PIGN: variants seen among roughly 807,000 people sequenced by gnomAD.
PIGN encodes the protein GPI ethanolamine phosphate transferase 1.
Under a neutral mutation model 125.4 loss-of-function variants are expected in PIGN, and 117 were observed. The observed-to-expected ratio is 0.93, with a 90% confidence interval of 0.80 to 1.09. PIGN has a LOEUF of 1.09. PIGN is among the 50% of genes least tolerant of loss of function. The pLI, the probability that PIGN is intolerant of heterozygous loss-of-function variation, is 0.00. For missense variants in PIGN, 1,075 were observed against 1,094.9 expected, an observed-to-expected ratio of 0.98 and a Z score of 0.26; for synonymous variants, 392 against 377.8, an observed-to-expected ratio of 1.04 and a Z score of -0.44.
At chr18:62,173,559 G>A (rs1472574194) in intron 1 of PIGN, among the ~76,000 whole-genome samples, 1 of 152,110 alleles carries the variant, frequency 6.6e-6, no homozygotes, top group Non-Finnish European at 1.5e-5. Context: ...GATGCACTTG[G>A]AGATCATGTC....
At chr18:62,060,687 CAATT>C (rs751968395) in intron 30 of PIGN, among the ~76,000 whole-genome samples, 9 of 152,052 alleles carry the variant, frequency 5.9e-5, no homozygotes, top group East Asian at 1.9e-4. Flanking sequence ...ATGTGAGAAA[CAATT>C]AAAGTCCAAA....
chr18:62,086,016 C>G (rs964640949), intron 25 of PIGN, among the ~76,000 whole-genome samples: 1 of 152,134 alleles, frequency 6.6e-6, no homozygotes, highest in African/African-American at 2.4e-5. Context: ...GTGAGCTGAG[C>G]CTTTAATGTA....
At chr18:62,149,580 A>G (rs778258374) in intron 7 of PIGN, among the ~76,000 whole-genome samples, 16 of 152,322 alleles carry the variant, frequency 1.1e-4, no homozygotes, top group Admixed American at 2.0e-4. Flanking sequence ...GTTTTGGCCA[A>G]TGAGATTTAA....
chr18:62,020,133 G>T (rs1235060742), intron 23 of PIGN, among the ~76,000 whole-genome samples: 1 of 152,202 alleles, frequency 6.6e-6, no homozygotes, highest in Non-Finnish European at 1.5e-5. Flanking sequence ...AAGAACACTA[G>T]GGAGCTGAGA....
intron 25 of PIGN, among the ~76,000 whole-genome samples, chr18:62,087,698 C>T (rs2033770790): frequency 1.3e-5 from 2 of 152,202 alleles, no homozygotes; most frequent in Admixed American, 1.3e-4. Flanking sequence ...GAGGTCTAGA[C>T]TCTGCACCAT....
chr18:62,155,921 A>G (rs1018179988), intron 6 of PIGN, among the ~76,000 whole-genome samples: 1 of 152,224 alleles, frequency 6.6e-6, no homozygotes, highest in African/African-American at 2.4e-5. Context: ...TCCGCCCAGT[A>G]TAATAATGTT....
At chr18:62,083,858 C>T (rs891501994) in intron 27 of PIGN, among the ~76,000 whole-genome samples, 1 of 152,232 alleles carries the variant, frequency 6.6e-6, no homozygotes, top group East Asian at 1.9e-4. Flanking sequence ...ATTAAGATGA[C>T]ACCTTTAACC....
At chr18:62,132,198 T>C (rs918068476) in intron 14 of PIGN, among the ~76,000 whole-genome samples, 5 of 152,054 alleles carry the variant, frequency 3.3e-5, no homozygotes, top group Admixed American at 3.3e-4. Flanking sequence ...TATATAAAAG[T>C]GATTAAAAAG....
chr18:62,080,355 G>A (rs1396721093), intron 28 of PIGN, among the ~76,000 whole-genome samples: 1 of 152,106 alleles, frequency 6.6e-6, no homozygotes, highest in Non-Finnish European at 1.5e-5. Context: ...AGGTCTTCAT[G>A]GTCCATGTCA....
intron 14 of PIGN, among the ~76,000 whole-genome samples, chr18:62,124,523 T>C (rs1276811639): frequency 4.1e-4 from 62 of 152,164 alleles, no homozygotes. Flanking sequence ...GAGGAAAACC[T>C]GCTTCCCACA....
rs570063145 is a variant in PIGN at position 62,019,761 on chromosome 18, C to T, written c.2143-2020G>A. 2.1e-4 allele frequency among the ~76,000 whole-genome samples: 32 copies of T among 152,332 alleles called. No homozygotes were observed. The South Asian group carries it at 6.2e-3, about 30-fold the overall frequency. The stretch of plus-strand genomic sequence containing the variant: ...TTAACTGATACTGGCCTAGCCCTCC[C>T]GCAGTAAGCAACAATAACACTGGAC... On this transcript the variant is annotated intron_variant, in intron 23 of 24. Coordinates refer to the PIGN transcript ENST00000639600.
intron 23 of PIGN, among the ~76,000 whole-genome samples, chr18:62,091,876 C>T (rs188484501): frequency 6.6e-6 from 1 of 152,236 alleles, no homozygotes; most frequent in East Asian, 1.9e-4. Flanking sequence ...CCACTGCTGG[C>T]CCAGCTCACA....
intron 7 of PIGN, among the ~76,000 whole-genome samples, chr18:62,149,971 T>G (rs2036469321): frequency 6.6e-6 from 1 of 152,156 alleles, no homozygotes; most frequent in Non-Finnish European, 1.5e-5. Context: ...TACCAAACAA[T>G]TCCCTGATAA....
At chr18:62,059,501 T>C (rs146898616) in intron 30 of PIGN, among the ~76,000 whole-genome samples, 161 of 152,326 alleles carry the variant, frequency 1.1e-3, no homozygotes, top group African/African-American at 3.8e-3. Context: ...TGCTGCAATA[T>C]AGATGAATGC....
intron 7 of PIGN, among the ~76,000 whole-genome samples, chr18:62,149,539 A>G (rs1335857578): frequency 6.6e-6 from 1 of 152,170 alleles, no homozygotes; most frequent in African/African-American, 2.4e-5. Context: ...TGCCTATCCT[A>G]TCCTTTCTTG....
At chr18:62,155,776 T>C (rs887958293) in intron 6 of PIGN, among the ~76,000 whole-genome samples, 1 of 152,148 alleles carries the variant, frequency 6.6e-6, no homozygotes, top group Non-Finnish European at 1.5e-5. Flanking sequence ...CCATCCATTG[T>C]AGCCAGAAAT....
chr18:62,140,540 T>A (rs1599614167), intron 11 of PIGN, 61 bp from the exon 12 acceptor site: 1 of 792,652 alleles, frequency 1.3e-6, no homozygotes, highest in South Asian at 1.7e-5. Context: ...AATTAAATAA[T>A]GTAATGCAAC....
chr18:62,089,273 T>C (rs2033852713), intron 24 of PIGN, among the ~76,000 whole-genome samples: 1 of 152,122 alleles, frequency 6.6e-6, no homozygotes, highest in Non-Finnish European at 1.5e-5. Flanking sequence ...CTCTATTAAT[T>C]CTATTTGCAG....
At chr18:62,181,192 T>C (rs2037704263) in intron 1 of PIGN, among the ~76,000 whole-genome samples, 1 of 152,076 alleles carries the variant, frequency 6.6e-6, no homozygotes, top group Non-Finnish European at 1.5e-5. Context: ...TAATAAAAAA[T>C]TGGAAACAAT....
Sources: gnomAD v4.1 joint callset for allele counts (sites outside exome capture counted in the v4.1 genomes callset) on GRCh38, gnomAD v4.1.1 for gene constraint, MANE v1.5 for transcripts, NCBI Gene and HGNC (gene_info 2026-07-23, HGNC 2026-07-21) for gene names.